The following TBC1D10A variants were observed in gnomAD, a reference collection of about 807,000 sequenced individuals.
TBC1D10A encodes TBC1 domain family member 10A.
TBC1D10A carries 24 observed loss-of-function variants against 52.9 expected under a neutral mutation model. That is an observed-to-expected ratio of 0.45 (90% CI 0.33 to 0.64). The LOEUF (loss-of-function observed/expected upper bound fraction) is 0.64. Among genes scored for constraint, TBC1D10A ranks in the 30% least tolerant of loss-of-function variants. The pLI, the probability that TBC1D10A is intolerant of heterozygous loss-of-function variation, is 0.02. For missense variants in TBC1D10A, 602 were observed against 687.9 expected, an observed-to-expected ratio of 0.88 and a Z score of 1.40; for synonymous variants, 278 against 282.9, an observed-to-expected ratio of 0.98 and a Z score of 0.17.
intron 1 of TBC1D10A, among the ~76,000 whole-genome samples, chr22:30,314,318 T>C (rs1426600299): frequency 6.6e-6 from 1 of 152,208 alleles, no homozygotes. Flanking sequence ...GCTTGGCAAG[T>C]CACTTTGCCT....
rs1029504465 is a variant in TBC1D10A, at chr22:30,292,634, G to A, written c.1268C>T (p.Ala423Val). 8.1e-6 allele frequency: 13 copies of A among 1,612,656 alleles called. No homozygotes were observed. The highest frequency in any genetic ancestry group is 4.0e-5 in the African/African-American group (3 of 74,834). ...GGCCTGCTTGGGTGGCTTGGGCTTGGCTTTGGAGCCAGGGAGGGGGGCATC... is the reference window on the plus strand; with the variant it reads ...GGCCTGCTTGGGTGGCTTGGGCTTGACTTTGGAGCCAGGGAGGGGGGCATC... ...PLDAPLPGSK[A>V]KPKPPKQAQK... Residue 423 changes from alanine to valine, a missense_variant, in exon 9 of 9, where the codon GCC becomes GTC. This residue lies in a region of TBC1D10A where 265 missense variants were observed against 275.1 expected (regional missense o/e 0.96). Transcript: ENST00000215790.
chr22:30,303,557 G>C (rs1030900133), intron 2 of TBC1D10A, among the ~76,000 whole-genome samples: 2 of 152,252 alleles, frequency 1.3e-5, no homozygotes, highest in Non-Finnish European at 2.9e-5. Context: ...GTTAGCCACA[G>C]GTGTGAAGAG....
intron 6 of TBC1D10A, 116 bp downstream of exon 6, chr22:30,294,680 G>T: frequency 7.3e-7 from 1 of 1,373,732 alleles, no homozygotes; most frequent in Non-Finnish European, 1.0e-6. Flanking sequence ...TCAGCCTCAA[G>T]GCAACAGAAG....
chr22:30,308,998 T>A (rs1930372799), intron 1 of TBC1D10A, among the ~76,000 whole-genome samples: 1 of 152,204 alleles, frequency 6.6e-6, no homozygotes, highest in Admixed American at 6.5e-5. Flanking sequence ...CAGTGACCTA[T>A]ATGCTATTTC....
chr22:30,326,831 T>A lies in TBC1D10A; in HGVS notation c.51A>T (p.Glu17Asp), dbSNP rs777107532. Reference sequence around the variant, plus strand: ...GGCTCTCCCGGGTTCCCGACAGGCTTTCCCCGGCCGCGGGCGCGCGCGGCC... The same window carrying A: ...GGCTCTCCCGGGTTCCCGACAGGCTATCCCCGGCCGCGGGCGCGCGCGGCC... ...ENGPRAPAAG[E>D]SLSGTRESLA... is the part of the protein sequence containing the mutation. The change falls in exon 1 of 9, where the codon GAA becomes GAT. Residue 17 changes from glutamate to aspartate, a missense_variant. Physicochemically the swap from Glu to Asp is conservative, Grantham distance 45. Coordinates refer to ENST00000215790, the MANE Select transcript of TBC1D10A (RefSeq NM_031937.3). 4 of 1,473,708 alleles carry A rather than the reference T, an allele frequency of 2.7e-6. No homozygotes were observed. The African/African-American group carries it at 4.4e-5, about 16-fold the overall frequency. The allele number at this position is 1,473,708 out of a possible 1,614,324, so 91.3% of individuals were successfully genotyped here.
At chr22:30,303,684 G>C (rs1463906080) in intron 2 of TBC1D10A, among the ~76,000 whole-genome samples, 1 of 152,242 alleles carries the variant, frequency 6.6e-6, no homozygotes, top group Non-Finnish European at 1.5e-5. Flanking sequence ...CAGCTGATGA[G>C]AGTGGGCAAT....
At chr22:30,326,641 C>T (rs1335118024) in intron 1 of TBC1D10A, 32 bp downstream of exon 1, 4 of 1,554,194 alleles carry the variant, frequency 2.6e-6, no homozygotes, top group Non-Finnish European at 3.5e-6. Context: ...GCGTGGGTGG[C>T]GCGCTCAGTC....
intron 1 of TBC1D10A, among the ~76,000 whole-genome samples, chr22:30,317,048 A>C (rs1930552506): frequency 6.6e-6 from 1 of 152,110 alleles, no homozygotes; most frequent in Admixed American, 6.6e-5. Flanking sequence ...CTTAAAAACA[A>C]ACACACATAC....
intron 2 of TBC1D10A, among the ~76,000 whole-genome samples, chr22:30,302,918 G>A (rs561270734): frequency 6.6e-5 from 10 of 152,300 alleles, no homozygotes; most frequent in Admixed American, 6.5e-5. Context: ...GAGGAATGAT[G>A]AGGCAGGGAA....
chr22:30,319,980 T>C (rs973485819), intron 1 of TBC1D10A, among the ~76,000 whole-genome samples: 3 of 152,194 alleles, frequency 2.0e-5, no homozygotes, highest in Non-Finnish European at 2.9e-5. Flanking sequence ...CAGTGCTATG[T>C]AGCTAGAGGA....
At chr22:30,315,516 G>A (rs1930517819) in intron 1 of TBC1D10A, among the ~76,000 whole-genome samples, 1 of 152,160 alleles carries the variant, frequency 6.6e-6, no homozygotes, top group African/African-American at 2.4e-5. Context: ...GTCCACCTTG[G>A]CCTCCCAGAG....
intron 1 of TBC1D10A, among the ~76,000 whole-genome samples, chr22:30,313,516 T>A (rs927054566): frequency 6.7e-6 from 1 of 149,064 alleles, no homozygotes; most frequent in African/African-American, 2.5e-5. Flanking sequence ...CCTGAGTAGC[T>A]GGGACTACAG....
chr22:30,314,186 T>C (rs1220840120), intron 1 of TBC1D10A, among the ~76,000 whole-genome samples: 1 of 152,166 alleles, frequency 6.6e-6, no homozygotes, highest in Non-Finnish European at 1.5e-5. Flanking sequence ...ATCCGGGCCC[T>C]GCTCATCTCT....
intron 3 of TBC1D10A, 39 bp from the exon 4 acceptor site, chr22:30,295,882 G>T: frequency 6.3e-7 from 1 of 1,578,076 alleles, no homozygotes. Flanking sequence ...GGGGAGGATG[G>T]AGGTGGGCTT....
intron 1 of TBC1D10A, among the ~76,000 whole-genome samples, chr22:30,318,994 T>A (rs1455620223): frequency 6.6e-6 from 1 of 152,180 alleles, no homozygotes; most frequent in South Asian, 2.1e-4. Flanking sequence ...CCCATTTCCC[T>A]AACCTACCCT....
At chr22:30,323,092 A>G (rs186769494) in intron 1 of TBC1D10A, among the ~76,000 whole-genome samples, 1 of 151,720 alleles carries the variant, frequency 6.6e-6, no homozygotes, top group African/African-American at 2.4e-5. Flanking sequence ...TCTTGTAGAG[A>G]TGGAGTTTCA....
chr22:30,305,154 T>C (rs988149202), intron 1 of TBC1D10A, among the ~76,000 whole-genome samples: 2 of 152,238 alleles, frequency 1.3e-5, no homozygotes, highest in African/African-American at 4.8e-5. Context: ...TTTGCTGGAA[T>C]GCTTCCCAAA....
chr22:30,303,693 A>G (rs1329385845), intron 2 of TBC1D10A, among the ~76,000 whole-genome samples: 1 of 152,212 alleles, frequency 6.6e-6, no homozygotes, highest in East Asian at 1.9e-4. Context: ...AGAGTGGGCA[A>G]TAGGGTTCAT....
rs767395316 is a variant in TBC1D10A, at chr22:30,292,788, AGCGCCGCAGCTGAATGAGGTGTTC to A, written c.1090_1113del (p.Glu364_Arg371del). 6.2e-7 allele frequency: 1 copy of A among 1,612,188 alleles called. No individual in the cohort carries two copies. Among genetic ancestry groups the A allele is most frequent in the Non-Finnish European group, 8.5e-7 (1 of 1,179,932 alleles). ...TGCAGCTCACCCCGGGTCTCCTGCC[AGCGCCGCAGCTGAATGAGGTGTTC>A]GCGCTCAATCTGGCGCTCTGTCACG... On this transcript the variant is annotated inframe_deletion, in exon 9 of 9. Coordinates refer to ENST00000215790, the MANE Select transcript of TBC1D10A (RefSeq NM_031937.3).
Sources: gnomAD v4.1 joint callset for allele counts (sites outside exome capture counted in the v4.1 genomes callset) on GRCh38, gnomAD v4.1.1 for gene constraint, gnomAD v4.1.1 regional missense constraint, MANE v1.5 for transcripts, NCBI Gene and HGNC (gene_info 2026-07-23, HGNC 2026-07-21) for gene names.